PRUNE2: variants seen among roughly 807,000 people sequenced by gnomAD.
PRUNE2 encodes prune homolog 2 with BCH domain.
PRUNE2 carries 164 observed loss-of-function variants against 252.0 expected under a neutral mutation model. That is an observed-to-expected ratio of 0.65 (90% confidence interval 0.57 to 0.74). The LOEUF (loss-of-function observed/expected upper bound fraction) is 0.74, where lower values mean the gene tolerates loss of function less well. Ranked by LOEUF, PRUNE2 falls within the 30% of genes least tolerant of loss-of-function variation. The probability of loss-of-function intolerance (pLI) is 0.00; values close to 1 mark genes in which losing one functional copy is unlikely to be tolerated. For missense variants in PRUNE2, 3,495 were observed against 3,711.0 expected, an observed-to-expected ratio of 0.94 and a Z score of 1.51; for synonymous variants, 1,292 against 1,350.2, an observed-to-expected ratio of 0.96 and a Z score of 0.94.
At chr9:76,797,883 G>A (rs1334581233) in intron 6 of PRUNE2, among the ~76,000 whole-genome samples, 2 of 152,126 alleles carry the variant, frequency 1.3e-5, no homozygotes, top group Non-Finnish European at 2.9e-5. Flanking sequence ...GTGCTGCCTG[G>A]CAACCACCCT....
rs373774637 is a variant in PRUNE2, at chr9:76,706,141, G to A, written c.6133C>T (p.Arg2045Ter). The A allele has an allele frequency of 2.5e-6, 4 of 1,613,826 alleles. No individual in the cohort carries two copies. Among genetic ancestry groups the A allele is most frequent in the Admixed American group, 3.3e-5 (2 of 59,998 alleles). ...AAAATATCTGGCACAAAGGTACCTC[G>A]GGAGTCCTCACTTGGGGTAGAGCCA... ...WDGSTPSEDS[R>*]GTFVPDILHG... is the part of the protein sequence containing the mutation. Residue 2045 changes from arginine to a stop codon, truncating the protein, a stop_gained, in exon 8 of 19, where the codon CGA (arginine) becomes TGA (stop). Transcript: ENST00000376718. LOFTEE classifies it high-confidence loss of function.
chr9:76,789,324 G>A (rs2055330736), intron 6 of PRUNE2, among the ~76,000 whole-genome samples: 1 of 152,158 alleles, frequency 6.6e-6, no homozygotes, highest in African/African-American at 2.4e-5. Flanking sequence ...TTTTACAAAA[G>A]AAGAAATGGG....
chr9:76,708,553 T>C lies in PRUNE2; in HGVS notation c.3721A>G (p.Thr1241Ala), dbSNP rs1277477744. The C allele has an allele frequency of 5.0e-6, 8 of 1,613,870 alleles. No homozygotes were observed. The highest frequency in any genetic ancestry group is 6.8e-6 in the Non-Finnish European group (8 of 1,179,888). ...GGCAATTCCCTTTGCTCTGAATCTG[T>C]GATATGTGAGGAGCCTGGTAACATG... is the stretch of plus-strand genomic sequence containing the variant. ...SFMLPGSSHI[T>A]DSEQRELPPE... is the part of the protein sequence containing the mutation. Residue 1241 changes from threonine to alanine, a missense_variant, in exon 8 of 19, where the codon ACA (threonine) becomes GCA (alanine). By Grantham distance (58) the Thr-to-Ala change is moderately conservative. Transcript: ENST00000376718.
At chr9:76,845,904 G>A (rs1482209275) in intron 4 of PRUNE2, among the ~76,000 whole-genome samples, 4 of 152,128 alleles carry the variant, frequency 2.6e-5, no homozygotes, top group Non-Finnish European at 5.9e-5. Flanking sequence ...CCACTCTTTG[G>A]AAGCAGGTGG....
At chr9:76,654,517 G>A (rs1479598948) in intron 10 of PRUNE2, among the ~76,000 whole-genome samples, 1 of 152,170 alleles carries the variant, frequency 6.6e-6, no homozygotes, top group East Asian at 1.9e-4. Flanking sequence ...TTCTATATTT[G>A]GCTATTGAGC....
At position 76,906,040 on chromosome 9, in the gene PRUNE2, G is replaced by C; in HGVS notation, c.-77C>G. The stretch of plus-strand genomic sequence containing the variant: ...TCTCGGCCCAAGGAAGACGAGCGGG[G>C]TCCCGGGAAAGTGGCCCGCCGGGGC... On this transcript the variant is annotated 5_prime_UTR_variant, in exon 1 of 19. Coordinates refer to ENST00000376718, the MANE Select transcript of PRUNE2 (RefSeq NM_015225.3). 1.3e-6 allele frequency: 2 copies of C among 1,530,846 alleles called. No homozygotes were observed. Among genetic ancestry groups the C allele is most frequent in the Non-Finnish European group, 1.8e-6 (2 of 1,106,014 alleles). 94.8% of individuals were successfully genotyped at this position (1,530,846 alleles called of 1,614,324 possible).
At chr9:76,848,471 C>T (rs1286434491) in intron 3 of PRUNE2, among the ~76,000 whole-genome samples, 2 of 152,152 alleles carry the variant, frequency 1.3e-5, no homozygotes, top group Admixed American at 6.5e-5. Flanking sequence ...TTCAAAACTC[C>T]TCATAAGTAA....
At position 76,707,830 on chromosome 9, in the gene PRUNE2, G is replaced by C; in HGVS notation, c.4444C>G (p.Pro1482Ala). 1 of 1,613,622 alleles carries C rather than the reference G, an allele frequency of 6.2e-7. No individual in the cohort carries two copies. The highest frequency in any genetic ancestry group is 8.5e-7 in the Non-Finnish European group (1 of 1,179,744). The change falls in exon 8 of 19, where the codon CCT becomes GCT. Residue 1482 changes from proline to alanine, a missense_variant. Coordinates refer to ENST00000376718, the MANE Select transcript of PRUNE2 (RefSeq NM_015225.3). ...LEPENVGGGPPHRVPRSLDFG... is the reference protein window; with the variant it reads ...LEPENVGGGPAHRVPRSLDFG... ...TCAAGACTTCGGGGAACTCTGTGAG[G>C]TGGCCCTCCACCCACGTTCTCTGGC...
intron 6 of PRUNE2, among the ~76,000 whole-genome samples, chr9:76,744,093 ATTTG>A (rs1162737529): frequency 3.9e-5 from 6 of 152,226 alleles, no homozygotes; most frequent in Admixed American, 3.9e-4. Context: ...TCAGCAACTC[ATTTG>A]TTAAACAGTC....
intron 9 of PRUNE2, among the ~76,000 whole-genome samples, chr9:76,662,588 C>T (rs750750153): frequency 2.6e-5 from 4 of 152,130 alleles, no homozygotes; most frequent in Non-Finnish European, 4.4e-5. Context: ...AGCAGTGAGC[C>T]AAGAGCTGGC....
chr9:76,663,424 A>C (rs892439538), intron 9 of PRUNE2, among the ~76,000 whole-genome samples: 1 of 152,110 alleles, frequency 6.6e-6, no homozygotes, highest in African/African-American at 2.4e-5. Flanking sequence ...TCTTTAGGGA[A>C]TGTGCAAAAC....
At chr9:76,857,861 G>A (rs145578568) in intron 1 of PRUNE2, among the ~76,000 whole-genome samples, 1 of 152,160 alleles carries the variant, frequency 6.6e-6, no homozygotes, top group East Asian at 1.9e-4. Flanking sequence ...GCACCCTGAG[G>A]GAATGGGCCC....
chr9:76,710,562 A>G lies in PRUNE2; in HGVS notation c.1712T>C (p.Val571Ala). 6.2e-7 allele frequency: 1 copy of G among 1,613,890 alleles called. No individual in the cohort carries two copies. The highest frequency in any genetic ancestry group is 1.1e-5 in the South Asian group (1 of 91,060). The part of the protein sequence containing the change: ...DSLVEHDEEF[V>A]QRQDSPRDNS... ...ATCTCTGGGACTGTCTTGTCTCTGGACAAACTCCTCATCATGTTCCACAAG... is the reference window on the plus strand; with the variant it reads ...ATCTCTGGGACTGTCTTGTCTCTGGGCAAACTCCTCATCATGTTCCACAAG... Residue 571 changes from valine to alanine, a missense_variant, in exon 8 of 19, where the codon GTC (valine) becomes GCC (alanine). Physicochemically the swap from Val to Ala is moderately conservative, Grantham distance 64. Transcript: ENST00000376718.
intron 6 of PRUNE2, among the ~76,000 whole-genome samples, chr9:76,717,888 T>C (rs1276287837): frequency 6.6e-6 from 1 of 152,188 alleles, no homozygotes; most frequent in Non-Finnish European, 1.5e-5. Context: ...TAAACATTTT[T>C]AGAGGTCACG....
intron 6 of PRUNE2, chr9:76,788,224 A>C (rs2055203589): frequency 2.0e-6 from 1 of 499,160 alleles, no homozygotes; most frequent in South Asian, 3.7e-5. Context: ...AGTTTTACTG[A>C]AGACATAAGA....
In PRUNE2 at chr9:76,654,727, T is replaced by C. The variant is rs144723091; in HGVS notation, c.8356+696A>G. 8.0e-3 allele frequency among the ~76,000 whole-genome samples: 1,218 copies of C among 152,328 alleles called. 16 individuals carry two copies. The highest frequency in any genetic ancestry group is 0.028 in the African/African-American group (1,157 of 41,586). On this transcript the variant is annotated intron_variant, in intron 10 of 18. Transcript: ENST00000376718. The stretch of plus-strand genomic sequence containing the variant: ...TGTGGTTACCAAGCATATTTGGCCA[T>C]AGAACATTTAGAAATAATTCTGTTA...
chr9:76,754,061 C>A (rs1299442703), intron 6 of PRUNE2, among the ~76,000 whole-genome samples: 3 of 152,058 alleles, frequency 2.0e-5, no homozygotes, highest in Non-Finnish European at 2.9e-5. Flanking sequence ...GAGACTGAGA[C>A]TGGAACTCAA....
At chr9:76,683,294 G>C (rs1369608729) in intron 9 of PRUNE2, among the ~76,000 whole-genome samples, 1 of 152,186 alleles carries the variant, frequency 6.6e-6, no homozygotes, top group Non-Finnish European at 1.5e-5. Context: ...TTTCTCTGGG[G>C]ATTGCAGTTG....
At chr9:76,676,499 T>C (rs2042614680) in intron 9 of PRUNE2, among the ~76,000 whole-genome samples, 1 of 152,206 alleles carries the variant, frequency 6.6e-6, no homozygotes, top group Non-Finnish European at 1.5e-5. Flanking sequence ...TTTTTAGATA[T>C]GGATAATATC....
Sources: gnomAD v4.1 joint callset for allele counts (sites outside exome capture counted in the v4.1 genomes callset) on GRCh38, gnomAD v4.1.1 for gene constraint, MANE v1.5 for transcripts, NCBI Gene and HGNC (gene_info 2026-07-23, HGNC 2026-07-21) for gene names.